Variants in MAP3K7 observed in about 807,000 individuals in gnomAD.
MAP3K7 encodes TGF-beta activated kinase 1.
In MAP3K7, 21 loss-of-function variants were observed where a neutral mutation model predicts 84.8. The ratio of observed to expected loss-of-function variants is 0.25; its 90% CI spans 0.18 to 0.36. The LOEUF is 0.36. Among genes scored for constraint, MAP3K7 ranks in the 10% least tolerant of loss-of-function variants. The pLI, the probability that MAP3K7 is intolerant of heterozygous loss-of-function variation, is 1.00. For missense variants in MAP3K7, 503 were observed against 747.7 expected (o/e 0.67, Z 3.82); for synonymous variants, 241 against 247.7 (o/e 0.97, Z 0.25).
rs141831070 is a variant in MAP3K7, at chr6:90,527,258, TTTTC to T, written c.1357-3479_1357-3476del. ...TTCCATGTATGAGAAGAGAATTTCT[TTTTC>T]TTTCTTTCTTTTTTTTTTGAGACAG... is the stretch of plus-strand genomic sequence containing the variant. On this transcript the variant is annotated intron_variant, in intron 13 of 16. Coordinates refer to ENST00000369329, the MANE Select transcript of MAP3K7 (RefSeq NM_145331.3). 5.3e-3 allele frequency among the ~76,000 whole-genome samples: 813 copies of T among 152,152 alleles called. 8 individuals carry two copies. The highest frequency in any genetic ancestry group is 0.017 in the African/African-American group (712 of 41,526).
intron 12 of MAP3K7, 118 bp from the exon 13 acceptor site, chr6:90,536,519 TG>T (rs752145451): frequency 6.1e-6 from 4 of 657,672 alleles, no homozygotes; most frequent in African/African-American, 1.8e-5. Flanking sequence ...AAAATGTTTG[TG>T]GGGAAAAAAA....
rs1349957396 is a variant in MAP3K7 at position 90,516,710 on chromosome 6, CAT to C, written c.1641-31_1641-30del. Reference sequence around the variant, plus strand: ...CAAACAAATACCACATAATATTACACATGATGGAAAAATTCATACCTTAGTAG... The same window carrying C: ...CAAACAAATACCACATAATATTACACGATGGAAAAATTCATACCTTAGTAG... On this transcript the variant is annotated intron_variant, in intron 16 of 16. Transcript: ENST00000369329. The C allele has an allele frequency of 3.2e-6, 5 of 1,546,608 alleles. No homozygotes were observed. The African/African-American group carries it at 5.6e-5, about 17-fold the overall frequency.
Position 90,542,437 on chromosome 6 carries a change from G to A in MAP3K7, c.1291+2115C>T, listed in dbSNP as rs1301647154. 6.1e-6 allele frequency: 6 copies of A among 984,562 alleles called. No individual in the cohort carries two copies. In the African/African-American group the frequency reaches 1.1e-4, roughly 17 times the overall value. 61.0% of individuals were successfully genotyped at this position (984,562 alleles called of 1,614,324 possible). A position where few individuals can be genotyped will look rare whatever the true frequency, so the allele number is the denominator to read the frequency against. Reference sequence around the variant, plus strand: ...TCATATGAATAGCACTGCTGCTCTGGCAATTAAGAGAATTAAGGTTACCTG... The same window carrying A: ...TCATATGAATAGCACTGCTGCTCTGACAATTAAGAGAATTAAGGTTACCTG... On this transcript the variant is annotated intron_variant, in intron 12 of 16. Coordinates refer to ENST00000369329, the MANE Select transcript of MAP3K7 (RefSeq NM_145331.3).
At chr6:90,521,670 T>C (rs1775155762) in intron 14 of MAP3K7, among the ~76,000 whole-genome samples, 1 of 152,084 alleles carries the variant, frequency 6.6e-6, no homozygotes, top group Non-Finnish European at 1.5e-5. Flanking sequence ...TTTATATTAA[T>C]ACATGTTTGC....
intron 12 of MAP3K7, chr6:90,542,632 C>T: frequency 4.3e-6 from 1 of 233,060 alleles, no homozygotes; most frequent in Non-Finnish European, 7.0e-6. Flanking sequence ...GGGGTCCTGG[C>T]TATATGATTC....
intron 12 of MAP3K7, among the ~76,000 whole-genome samples, chr6:90,541,766 C>T (rs540208939): frequency 2.0e-5 from 3 of 151,926 alleles, no homozygotes; most frequent in East Asian, 3.9e-4. Flanking sequence ...TTTTGAAGAG[C>T]GAGCAAAAAA....
intron 13 of MAP3K7, among the ~76,000 whole-genome samples, chr6:90,524,114 C>T (rs1009197516): frequency 3.0e-4 from 45 of 152,220 alleles, no homozygotes; most frequent in African/African-American, 1.0e-3. Context: ...CAGGCTGCTG[C>T]ACTCAGAGGA....
intron 1 of MAP3K7, among the ~76,000 whole-genome samples, chr6:90,583,846 A>T (rs1352672549): frequency 6.6e-6 from 1 of 152,176 alleles, no homozygotes; most frequent in Non-Finnish European, 1.5e-5. Flanking sequence ...CCAGTTCTAG[A>T]TGGTAAACAC....
intron 16 of MAP3K7, among the ~76,000 whole-genome samples, chr6:90,517,003 CTA>C (rs1432091973): frequency 6.6e-6 from 1 of 151,852 alleles, no homozygotes; most frequent in Admixed American, 6.6e-5. Flanking sequence ...GGGAAGGGTT[CTA>C]TGTGGCTATG....
At chr6:90,580,671 A>G (rs1181642189) in intron 1 of MAP3K7, among the ~76,000 whole-genome samples, 2 of 152,202 alleles carry the variant, frequency 1.3e-5, no homozygotes, top group African/African-American at 4.8e-5. Context: ...TTTCATCAAG[A>G]GTAAAAAAGA....
chr6:90,541,732 T>C (rs1398301495), intron 12 of MAP3K7, among the ~76,000 whole-genome samples: 7 of 152,000 alleles, frequency 4.6e-5, no homozygotes, highest in Non-Finnish European at 7.4e-5. Flanking sequence ...TCTTCCACAT[T>C]TGACTGATGG....
At chr6:90,540,064 T>C (rs944553290) in intron 12 of MAP3K7, among the ~76,000 whole-genome samples, 7 of 151,898 alleles carry the variant, frequency 4.6e-5, no homozygotes, top group Non-Finnish European at 7.4e-5. Flanking sequence ...GCTTTAAGAA[T>C]GATATAACAA....
intron 3 of MAP3K7, among the ~76,000 whole-genome samples, chr6:90,565,470 G>C (rs949021101): frequency 1.3e-5 from 2 of 152,204 alleles, no homozygotes; most frequent in East Asian, 3.9e-4. Flanking sequence ...TAGAAGAAAT[G>C]GATAAATTAC....
At chr6:90,568,468 C>T (rs867977340) in intron 3 of MAP3K7, 90 bp downstream of exon 3, 8 of 1,113,144 alleles carry the variant, frequency 7.2e-6, no homozygotes, top group Middle Eastern at 2.1e-4. Context: ...TTAAAAAAAA[C>T]AAAAAAACCC....
At chr6:90,551,876 CCTCTCGAAATGTTTCCT>C (rs1280697864) in intron 8 of MAP3K7, 156 bp downstream of exon 8, 2 of 618,424 alleles carry the variant, frequency 3.2e-6, no homozygotes, top group Non-Finnish European at 4.9e-6. Context: ...CTAGATTTTC[CCTCTCGAAATGTTTCCT>C]CTTCTGACTA....
At chr6:90,540,124 CTT>C (rs1775809247) in intron 12 of MAP3K7, among the ~76,000 whole-genome samples, 1 of 151,814 alleles carries the variant, frequency 6.6e-6, no homozygotes, top group African/African-American at 2.4e-5. Flanking sequence ...AGGCAAAAAT[CTT>C]ATCTATTTCA....
At chr6:90,565,226 G>A (rs1041781882) in intron 3 of MAP3K7, among the ~76,000 whole-genome samples, 1 of 151,834 alleles carries the variant, frequency 6.6e-6, no homozygotes, top group African/African-American at 2.4e-5. Flanking sequence ...AACTGAAGGA[G>A]ACAGAGACAC....
At chr6:90,562,143 T>C (rs541519906) in intron 3 of MAP3K7, among the ~76,000 whole-genome samples, 1 of 152,358 alleles carries the variant, frequency 6.6e-6, no homozygotes, top group South Asian at 2.1e-4. Context: ...AGCTCCAGTC[T>C]ACAGCTACCA....
chr6:90,587,051 T>TGGCTCC lies in MAP3K7; in HGVS notation c.-174_-169dup. On this transcript the variant is annotated 5_prime_UTR_variant, in exon 1 of 17. Coordinates refer to ENST00000369329, the MANE Select transcript of MAP3K7 (RefSeq NM_145331.3). ...CAGCGGCCACAGCCGTGTCCGGCTC[T>TGGCTCC]GGCTCCGCTGCGTTTTCCGCCGACG... 1.3e-6 allele frequency: 1 copy of TGGCTCC among 754,520 alleles called. No homozygotes were observed. Among genetic ancestry groups the TGGCTCC allele is most frequent in the Non-Finnish European group, 1.9e-6 (1 of 521,528 alleles). 46.7% of individuals were successfully genotyped at this position (754,520 alleles called of 1,614,324 possible).
Sources: gnomAD v4.1 joint callset for allele counts (sites outside exome capture counted in the v4.1 genomes callset) on GRCh38, gnomAD v4.1.1 for gene constraint, MANE v1.5 for transcripts, NCBI Gene and HGNC (gene_info 2026-07-23, HGNC 2026-07-21) for gene names.